Variants in GNAL observed in about 807,000 individuals in gnomAD.
GNAL encodes the protein guanine nucleotide-binding protein G(olf) subunit alpha.
GNAL carries 18 observed loss-of-function variants against 55.1 expected under a neutral mutation model. That is an observed-to-expected ratio of 0.33 (90% CI 0.23 to 0.48). The LOEUF (loss-of-function observed/expected upper bound fraction) is 0.48, where lower values mean the gene tolerates loss of function less well. GNAL is among the 20% of genes least tolerant of loss of function. GNAL has a pLI of 0.99. For missense variants in GNAL, 412 were observed against 614.1 expected, an observed-to-expected ratio of 0.67 and a Z score of 3.48; for synonymous variants, 253 against 237.0, an observed-to-expected ratio of 1.07 and a Z score of -0.62.
intron 4 of GNAL, among the ~76,000 whole-genome samples, chr18:11,821,824 T>C (rs1272231553): frequency 6.6e-6 from 1 of 152,174 alleles, no homozygotes; most frequent in East Asian, 1.9e-4. Context: ...AGAGCTAGAA[T>C]GTCCTCCCTT....
chr18:11,813,763 A>G (rs1269877076), intron 4 of GNAL, among the ~76,000 whole-genome samples: 1 of 152,234 alleles, frequency 6.6e-6, no homozygotes, highest in African/African-American at 2.4e-5. Context: ...CTGTGGTCCC[A>G]GCTACTCAGG....
chr18:11,696,330 G>A (rs8099486), intron 1 of GNAL, among the ~76,000 whole-genome samples: 53,576 of 151,390 alleles, frequency 0.35, 13,047 homozygotes, highest in African/African-American at 0.7. Flanking sequence ...GTGAAACCCC[G>A]TCTCTACTAA....
In GNAL at chr18:11,694,597, G is replaced by A. The variant is rs538027959; in HGVS notation, c.376+4658G>A. ...AAGGAATCATGGGGTCCAAACTAGG[G>A]CAGTGTGGTATAGTAGGAGTGGGGA... On this transcript the variant is annotated intron_variant, in intron 1 of 11. Transcript: ENST00000334049. Among the ~76,000 whole-genome samples the A allele has an allele frequency of 1.6e-4, 24 of 152,302 alleles. No individual in the cohort carries two copies. The South Asian group carries it at 3.5e-3, about 22-fold the overall frequency.
At position 11,884,349 on chromosome 18, in the gene GNAL, G is replaced by A. The variant is rs370108488; in HGVS notation, c.*3214G>A. ...GAATTTCTGTGCTGTGCAGAGAGAC[G>A]GCCTGTAATTGGTCTCATCATCCAC... On this transcript the variant is annotated 3_prime_UTR_variant, in exon 12 of 12. Transcript: ENST00000334049. 2.3e-5 allele frequency: 26 copies of A among 1,141,102 alleles called. 1 individual carries two copies. The highest frequency in any genetic ancestry group is 2.8e-4 in the Middle Eastern group (1 of 3,554). 70.7% of individuals were successfully genotyped at this position (1,141,102 alleles called of 1,614,324 possible).
intron 4 of GNAL, among the ~76,000 whole-genome samples, chr18:11,773,961 T>C (rs896801736): frequency 6.6e-6 from 1 of 152,224 alleles, no homozygotes; most frequent in Admixed American, 6.5e-5. Context: ...AATTAGTATC[T>C]CTATGCTCAG....
At chr18:11,790,490 C>T (rs548026648) in intron 4 of GNAL, among the ~76,000 whole-genome samples, 1 of 152,204 alleles carries the variant, frequency 6.6e-6, no homozygotes, top group East Asian at 1.9e-4. Flanking sequence ...GCATTTTTAA[C>T]CACTTATTTT....
intron 1 of GNAL, chr18:11,745,675 A>G (rs1308525505): frequency 6.3e-6 from 1 of 157,720 alleles, no homozygotes; most frequent in African/African-American, 2.4e-5. Context: ...TTCTGTTCAC[A>G]CGCATTTCGT....
intron 1 of GNAL, among the ~76,000 whole-genome samples, chr18:11,726,263 T>C (rs1275531306): frequency 2.0e-5 from 3 of 152,226 alleles, no homozygotes; most frequent in Non-Finnish European, 2.9e-5. Flanking sequence ...TTAGCCAGAG[T>C]TGGCCTCTGT....
intron 1 of GNAL, among the ~76,000 whole-genome samples, chr18:11,703,432 A>G (rs888006919): frequency 6.6e-6 from 1 of 152,238 alleles, no homozygotes; most frequent in Non-Finnish European, 1.5e-5. Context: ...CATTGTACAA[A>G]GAAATTCAAT....
At chr18:11,878,656 A>AACTCCTGGGCTCAAGCAAC (rs1326646287) in intron 11 of GNAL, among the ~76,000 whole-genome samples, 1 of 152,006 alleles carries the variant, frequency 6.6e-6, no homozygotes, top group Non-Finnish European at 1.5e-5. Flanking sequence ...TGCAGCCTCC[A>AACTCCTGGGCTCAAGCAAC]ACTCCTGGGC....
At chr18:11,767,175 G>A (rs2033432704) in intron 4 of GNAL, among the ~76,000 whole-genome samples, 1 of 151,876 alleles carries the variant, frequency 6.6e-6, no homozygotes, top group Non-Finnish European at 1.5e-5. Flanking sequence ...TTGCACACTT[G>A]CTCTCTGTGT....
intron 4 of GNAL, among the ~76,000 whole-genome samples, chr18:11,767,057 C>A (rs1337654199): frequency 6.6e-6 from 1 of 152,206 alleles, no homozygotes; most frequent in Non-Finnish European, 1.5e-5. Flanking sequence ...CCCTCCCATA[C>A]CCATTTGTAT....
intron 4 of GNAL, among the ~76,000 whole-genome samples, chr18:11,819,740 T>C (rs2035045104): frequency 6.6e-6 from 1 of 152,130 alleles, no homozygotes; most frequent in African/African-American, 2.4e-5. Flanking sequence ...TATTTTTATT[T>C]AGTATTATTT....
chr18:11,786,349 G>A (rs761565430), intron 4 of GNAL, among the ~76,000 whole-genome samples: 8 of 150,140 alleles, frequency 5.3e-5, no homozygotes, highest in Non-Finnish European at 7.4e-5. Flanking sequence ...ATTCATTTTA[G>A]AGGGTCAGAT....
intron 4 of GNAL, among the ~76,000 whole-genome samples, chr18:11,819,670 G>C (rs2035043326): frequency 6.6e-6 from 1 of 151,734 alleles, no homozygotes; most frequent in Non-Finnish European, 1.5e-5. Flanking sequence ...TCAAAAACAG[G>C]TTACATTTTA....
At chr18:11,822,008 A>G (rs962224770) in intron 4 of GNAL, among the ~76,000 whole-genome samples, 4 of 152,238 alleles carry the variant, frequency 2.6e-5, no homozygotes, top group African/African-American at 9.6e-5. Flanking sequence ...TCGAAAAGCA[A>G]GGGCATCTGA....
At chr18:11,827,477 G>C (rs2035275941) in intron 5 of GNAL, among the ~76,000 whole-genome samples, 1 of 147,456 alleles carries the variant, frequency 6.8e-6, no homozygotes, top group Admixed American at 6.6e-5. Flanking sequence ...AGCCAGGCAT[G>C]GTGCTGGACA....
intron 1 of GNAL, among the ~76,000 whole-genome samples, chr18:11,729,628 T>C (rs2032290046): frequency 6.6e-6 from 1 of 152,236 alleles, no homozygotes; most frequent in Non-Finnish European, 1.5e-5. Context: ...TAGCAGATTA[T>C]ATATTCTGTG....
intron 4 of GNAL, among the ~76,000 whole-genome samples, chr18:11,818,468 A>C (rs1215193511): frequency 6.7e-6 from 1 of 148,822 alleles, no homozygotes; most frequent in East Asian, 2.2e-4. Flanking sequence ...ATGTGATTAC[A>C]GTGGTGGACA....
Sources: allele counts gnomAD v4.1 joint callset (sites outside exome capture counted in the v4.1 genomes callset), GRCh38; gene constraint gnomAD v4.1.1; transcripts MANE v1.5; gene names NCBI Gene and HGNC (gene_info 2026-07-23, HGNC 2026-07-21).